DEPDC5: variants seen among roughly 807,000 people sequenced by gnomAD.
DEPDC5 encodes GATOR1 complex protein DEPDC5.
In DEPDC5, 73 loss-of-function variants were observed where a neutral mutation model predicts 217.3. The observed-to-expected ratio is 0.34, with a 90% CI of 0.28 to 0.41. DEPDC5 has a LOEUF of 0.41. Among genes scored for constraint, DEPDC5 ranks in the 10% least tolerant of loss-of-function variants. The pLI is 1.00. For synonymous variants in DEPDC5, 733 were observed against 756.7 expected (o/e 0.97, Z 0.51); for missense variants, 1,675 against 2,070.1 (o/e 0.81, Z 3.70).
intron 5 of DEPDC5, among the ~76,000 whole-genome samples, chr22:31,765,438 C>T (rs1351221751): frequency 6.6e-6 from 1 of 151,986 alleles, no homozygotes; most frequent in African/African-American, 2.4e-5. Context: ...TACAGGCCTG[C>T]ACCACCGCAC....
Position 31,906,082 on chromosome 22 carries a change from CAG to C in DEPDC5, c.4519+19_4519+20del, listed in dbSNP as rs762978358. 6.2e-7 allele frequency: 1 copy of C among 1,614,000 alleles called. No individual in the cohort carries two copies. The highest frequency in any genetic ancestry group is 1.1e-5 in the South Asian group (1 of 91,070). ...CACGTTACAGGTGAGGAGCTACGGG[CAG>C]AGTTGGGCAGGTGGGTCCACATCCC... On this transcript the variant is annotated intron_variant, in intron 42 of 42. Transcript: ENST00000651528. The surrounding 1 kb of genome is among the most constrained non-coding windows in gnomAD (Gnocchi z 5.1).
In DEPDC5 at chr22:31,792,728, C is replaced by A; in HGVS notation, c.695-17C>A. The A allele has an allele frequency of 1.3e-6, 2 of 1,537,810 alleles. No homozygotes were observed. The highest frequency in any genetic ancestry group is 1.7e-6 in the Non-Finnish European group (2 of 1,151,740). ...TCTTCTCAGCCTGAACTACATACTC[C>A]GTTTTCTCTATTTCAGATGAATTTC... On this transcript the variant is annotated splice_polypyrimidine_tract_variant and intron_variant, in intron 11 of 42. Transcript: ENST00000651528.
At chr22:31,830,065 G>T (rs1443872851) in intron 24 of DEPDC5, among the ~76,000 whole-genome samples, 1 of 152,238 alleles carries the variant, frequency 6.6e-6, no homozygotes, top group Non-Finnish European at 1.5e-5. Flanking sequence ...ACTGAGACTG[G>T]ATGGAAGGAC....
At chr22:31,832,328 T>G (rs540632886) in intron 24 of DEPDC5, among the ~76,000 whole-genome samples, 1 of 152,228 alleles carries the variant, frequency 6.6e-6, no homozygotes, top group African/African-American at 2.4e-5. Flanking sequence ...GGTCAAATGG[T>G]AAATCTGTTT....
chr22:31,836,706 C>G, intron 25 of DEPDC5: 1 of 457,928 alleles, frequency 2.2e-6, no homozygotes, highest in South Asian at 3.3e-5. Context: ...GGCTGCAGCT[C>G]ACAGTCAGCA....
intron 21 of DEPDC5, among the ~76,000 whole-genome samples, chr22:31,818,197 G>A (rs1185806447): frequency 1.3e-5 from 2 of 152,192 alleles, no homozygotes; most frequent in African/African-American, 4.8e-5. Context: ...GCGCCAGACA[G>A]GTGGTGTCTA....
chr22:31,755,977 A>G (rs1315464648), intron 2 of DEPDC5, among the ~76,000 whole-genome samples: 1 of 151,326 alleles, frequency 6.6e-6, no homozygotes, highest in African/African-American at 2.4e-5. Flanking sequence ...GGTTCAAGCA[A>G]TTCTTCTGCC....
chr22:31,842,934 GT>G (rs2091485051), intron 27 of DEPDC5, among the ~76,000 whole-genome samples, 160 bp from the exon 28 acceptor site: 1 of 152,130 alleles, frequency 6.6e-6, no homozygotes, highest in South Asian at 2.1e-4. Flanking sequence ...AACCTCAGGA[GT>G]TTTTTGTTTG....
intron 4 of DEPDC5, among the ~76,000 whole-genome samples, chr22:31,764,762 C>T (rs964128067): frequency 6.6e-6 from 1 of 152,030 alleles, no homozygotes; most frequent in African/African-American, 2.4e-5. Flanking sequence ...CCCTTTTTCT[C>T]TCCATTTTTG....
At position 31,815,157 on chromosome 22, in the gene DEPDC5, C is replaced by A; in HGVS notation, c.1611C>A (p.His537Gln). ...GTGCCAACATCCTGATGATCCCACA[C>A]CCCCACCTGCACCAGTATGAAGTCA... is the stretch of plus-strand genomic sequence containing the variant. ...GKSANILMIPHPHLHQYEVSS... is the reference protein window; with the variant it reads ...GKSANILMIPQPHLHQYEVSS... Residue 537 changes from histidine (H) to glutamine (Q), a missense_variant, in exon 21 of 43, where the codon CAC becomes CAA. Physicochemically the swap from His to Gln is conservative, Grantham distance 24. This residue lies in a region of DEPDC5 where 628 missense variants were observed against 762.1 expected (regional missense o/e 0.82). Coordinates refer to ENST00000651528, the MANE Select transcript of DEPDC5 (RefSeq NM_001242896.3). 6.2e-7 allele frequency: 1 copy of A among 1,614,174 alleles called. No individual in the cohort carries two copies. Among genetic ancestry groups the A allele is most frequent in the Non-Finnish European group, 8.5e-7 (1 of 1,180,038 alleles).
rs759543820 is a variant in DEPDC5, at chr22:31,768,880, T to G, written c.413+17T>G. ...TGGCATCAGGTAGATATTACATCAC[T>G]CTTGCCTTATCTGTGCAGTAACTGG... is the stretch of plus-strand genomic sequence containing the variant. On this transcript the variant is annotated intron_variant, in intron 7 of 42. Transcript: ENST00000651528. 6.2e-7 allele frequency: 1 copy of G among 1,608,736 alleles called. No individual in the cohort carries two copies. The highest frequency in any genetic ancestry group is 1.1e-5 in the South Asian group (1 of 90,852).
chr22:31,812,136 G>T (rs1353441030), intron 20 of DEPDC5, among the ~76,000 whole-genome samples: 1 of 151,212 alleles, frequency 6.6e-6, no homozygotes, highest in Non-Finnish European at 1.5e-5. Context: ...CTACAGGCAT[G>T]CACCACCACA....
rs2149004867 is a variant in DEPDC5 at position 31,843,217 on chromosome 22, G to A, written c.2633+5G>A. 6.2e-7 allele frequency: 1 copy of A among 1,612,470 alleles called. No homozygotes were observed. Among genetic ancestry groups the A allele is most frequent in the Non-Finnish European group, 8.5e-7 (1 of 1,179,090 alleles). On this transcript the variant is annotated splice_donor_5th_base_variant and intron_variant, in intron 28 of 42. Coordinates refer to ENST00000651528, the MANE Select transcript of DEPDC5 (RefSeq NM_001242896.3). ...AGTGACGCGATACCTTCCCAAGTGAGTATTTGGATATTTAAAGTCTTCAGT... is the reference window on the plus strand; with the variant it reads ...AGTGACGCGATACCTTCCCAAGTGAATATTTGGATATTTAAAGTCTTCAGT...
At chr22:31,790,159 C>G (rs2085454355) in intron 10 of DEPDC5, among the ~76,000 whole-genome samples, 1 of 152,176 alleles carries the variant, frequency 6.6e-6, no homozygotes, top group Non-Finnish European at 1.5e-5. Flanking sequence ...TTTCCTAGCA[C>G]TCTGCTCTGG....
At chr22:31,785,768 A>G (rs1424364898) in intron 10 of DEPDC5, among the ~76,000 whole-genome samples, 1 of 152,200 alleles carries the variant, frequency 6.6e-6, no homozygotes, top group African/African-American at 2.4e-5. Context: ...ATATAGATCA[A>G]TGGAATTGAA....
intron 7 of DEPDC5, among the ~76,000 whole-genome samples, chr22:31,771,453 G>A (rs975478931): frequency 6.6e-6 from 1 of 152,040 alleles, no homozygotes; most frequent in Non-Finnish European, 1.5e-5. Context: ...ATTGCTGGTT[G>A]GCTCACACCT....
rs373645855 is a variant in DEPDC5, at chr22:31,906,369, G to A, written c.4684G>A (p.Ala1562Thr). ...GCTCACCAAAACATGGCGCTCCAGCGCCACAGGGGATGAAAAGTTTGCTGA... is the reference window on the plus strand; with the variant it reads ...GCTCACCAAAACATGGCGCTCCAGCACCACAGGGGATGAAAAGTTTGCTGA... ...TMLTKTWRSS[A>T]TGDEKFADRL... The change falls in exon 43 of 43, where the codon GCC (alanine) becomes ACC (threonine). Residue 1562 changes from alanine (A) to threonine (T), a missense_variant. This residue lies in a region of DEPDC5 where 49 missense variants were observed against 74.7 expected (regional missense o/e 0.66). Coordinates refer to ENST00000651528, the MANE Select transcript of DEPDC5 (RefSeq NM_001242896.3). The surrounding 1 kb of genome is among the most constrained non-coding windows in gnomAD (Gnocchi z 5.1). The A allele has an allele frequency of 1.5e-5, 25 of 1,613,976 alleles. No homozygotes were observed. In the Admixed American group the frequency reaches 2.2e-4, roughly 14 times the overall value.
chr22:31,832,165 T>G (rs11703104), intron 24 of DEPDC5, among the ~76,000 whole-genome samples: 1 of 152,200 alleles, frequency 6.6e-6, no homozygotes, highest in Non-Finnish European at 1.5e-5. Flanking sequence ...TTGTTTATCC[T>G]TCCCCCAGTT....
intron 7 of DEPDC5, among the ~76,000 whole-genome samples, chr22:31,776,882 A>G (rs1020239301): frequency 1.3e-5 from 2 of 151,498 alleles, no homozygotes; most frequent in African/African-American, 4.8e-5. Flanking sequence ...TTCTCGTACT[A>G]TCTACTTCTT....
Sources: allele counts gnomAD v4.1 joint callset (sites outside exome capture counted in the v4.1 genomes callset), GRCh38; gene constraint gnomAD v4.1.1; regional missense constraint gnomAD v4.1.1; non-coding constraint Gnocchi (gnomAD v3.1); transcripts MANE v1.5; gene names NCBI Gene and HGNC (gene_info 2026-07-23, HGNC 2026-07-21).